FDFT1: variants seen among roughly 807,000 people sequenced by gnomAD.
FDFT1 encodes the protein farnesyl-diphosphate farnesyltransferase 1.
FDFT1 carries 68 observed loss-of-function variants against 46.8 expected under a neutral mutation model. The ratio of observed to expected loss-of-function variants is 1.45; its 90% CI spans 1.19 to 1.78. FDFT1 has a LOEUF of 1.78. Ranked by LOEUF, FDFT1 falls within the 40% of genes most tolerant of loss-of-function variation. The probability of loss-of-function intolerance (pLI) is 0.00; values close to 1 mark genes in which losing one functional copy is unlikely to be tolerated. For synonymous variants in FDFT1, 351 were observed against 185.1 expected (o/e 1.90, Z -7.28); for missense variants, 928 against 524.4 (o/e 1.77, Z -7.52).
At chr8:11,797,698 T>G (rs919637575), upstream of FDFT1, among the ~76,000 whole-genome samples, 89 of 98,308 alleles carry the variant, frequency 9.1e-4, no homozygotes, top group East Asian at 8.9e-4. Context: ...GGGGAACAGA[T>G]AAAGGAGAGG....
At chr8:11,836,575 C>G (rs1183252975) in intron 7 of FDFT1, among the ~76,000 whole-genome samples, 2 of 152,258 alleles carry the variant, frequency 1.3e-5, no homozygotes, top group African/African-American at 4.8e-5. Context: ...CCTTCTGTTT[C>G]ACTTCTCCAC....
At chr8:11,805,196 G>A (rs1324952627) in intron 1 of FDFT1, among the ~76,000 whole-genome samples, 1 of 152,156 alleles carries the variant, frequency 6.6e-6, no homozygotes, top group African/African-American at 2.4e-5. Context: ...GATTACAGGT[G>A]TGAGCCACTG....
At chr8:11,817,261 T>A (rs1333791709) in intron 3 of FDFT1, among the ~76,000 whole-genome samples, 2 of 152,206 alleles carry the variant, frequency 1.3e-5, no homozygotes, top group Non-Finnish European at 2.9e-5. Context: ...TGCTGCTGGA[T>A]TCAATTTGCC....
intron 3 of FDFT1, among the ~76,000 whole-genome samples, chr8:11,813,675 T>G (rs1808041560): frequency 6.6e-6 from 1 of 152,218 alleles, no homozygotes; most frequent in Non-Finnish European, 1.5e-5. Flanking sequence ...ACCCTCTATG[T>G]GGGATTTGGC....
intron 5 of FDFT1, among the ~76,000 whole-genome samples, chr8:11,827,523 A>G (rs1486130910): frequency 1.3e-5 from 2 of 151,484 alleles, no homozygotes; most frequent in Non-Finnish European, 1.5e-5. Flanking sequence ...CTCAAGAAAA[A>G]AAAAAAGTGA....
chr8:11,797,969 G>A (rs1370242673), upstream of FDFT1: 13 of 152,372 alleles, frequency 8.5e-5, no homozygotes, highest in Admixed American at 4.6e-4. Context: ...TGGCAAGGAC[G>A]TTTTTATTCT....
rs140148594 is a variant in FDFT1 at position 11,820,665 on chromosome 8, G to A, written c.382-1085G>A. Among the ~76,000 whole-genome samples the A allele has an allele frequency of 3.9e-5, 6 of 152,288 alleles. No homozygotes were observed. The East Asian group carries it at 1.2e-3, about 29-fold the overall frequency. On this transcript the variant is annotated intron_variant, in intron 3 of 7. Transcript: ENST00000220584. ...AGCAAGCAAGGTTCCATGGGCATGG[G>A]ACCCCCCGAGCCAGGCACTGGAGGC...
At chr8:11,809,393 A>C in intron 2 of FDFT1, 2 of 1,184,726 alleles carry the variant, frequency 1.7e-6, no homozygotes, top group Non-Finnish European at 2.1e-6. Flanking sequence ...TCTGGTCTCC[A>C]TAGTTCTACA....
Position 11,826,154 on chromosome 8 carries a change from C to G in FDFT1, c.641C>G (p.Thr214Arg). The G allele has an allele frequency of 3.1e-6, 5 of 1,603,508 alleles. No homozygotes were observed. Among genetic ancestry groups the G allele is most frequent in the Non-Finnish European group, 2.6e-6 (3 of 1,171,974 alleles). The change falls in exon 5 of 8, where the codon ACA becomes AGA. Residue 214 changes from threonine to arginine, a missense_variant. Coordinates refer to ENST00000220584, the MANE Select transcript of FDFT1 (RefSeq NM_004462.5). ...TCTATGGGCCTGTTTTTGCAGAAAA[C>G]AAACATCATCCGTGACTATCTGGAA... ...ANSMGLFLQK[T>R]NIIRDYLEDQ...
intron 3 of FDFT1, among the ~76,000 whole-genome samples, chr8:11,811,975 A>G (rs1807777672): frequency 6.6e-6 from 1 of 152,122 alleles, no homozygotes; most frequent in African/African-American, 2.4e-5. Context: ...TGTCTTTGAA[A>G]CCAGTTGTCT....
chr8:11,836,891 G>C (rs1295050591), intron 7 of FDFT1, among the ~76,000 whole-genome samples: 1 of 152,194 alleles, frequency 6.6e-6, no homozygotes, highest in African/African-American at 2.4e-5. Flanking sequence ...GCAAAAATTA[G>C]CCAGGGATGC....
At chr8:11,807,214 T>G (rs2130702803) in intron 1 of FDFT1, among the ~76,000 whole-genome samples, 2 of 152,336 alleles carry the variant, frequency 1.3e-5, no homozygotes, top group Middle Eastern at 6.8e-3. Context: ...CATAGTTCAC[T>G]GTAACGTGTA....
Position 11,828,463 on chromosome 8 carries a change from A to T in FDFT1, c.703-1781A>T, listed in dbSNP as rs118092668. On this transcript the variant is annotated intron_variant, in intron 5 of 7. Coordinates refer to ENST00000220584, the MANE Select transcript of FDFT1 (RefSeq NM_004462.5). ...AGGGAAGGGGATTGTCTGGGGATGT[A>T]TAGTGAGGCAGTGGCTGCCTTGGAA... 1.4e-4 allele frequency among the ~76,000 whole-genome samples: 22 copies of T among 152,336 alleles called. No homozygotes were observed. The East Asian group carries it at 2.7e-3, about 19-fold the overall frequency.
chr8:11,814,451 T>C (rs1294085306), intron 3 of FDFT1, among the ~76,000 whole-genome samples: 3 of 152,010 alleles, frequency 2.0e-5, no homozygotes, highest in Non-Finnish European at 4.4e-5. Flanking sequence ...CGAGGAAGTT[T>C]TTCTAACTTT....
chr8:11,798,846 C>T (rs1805822734), upstream of FDFT1, among the ~76,000 whole-genome samples: 1 of 152,172 alleles, frequency 6.6e-6, no homozygotes, highest in Non-Finnish European at 1.5e-5. Flanking sequence ...GCTTAGATTT[C>T]TAGTGTTGAC....
chr8:11,802,841 C>T lies in FDFT1; in HGVS notation c.9C>T (p.Phe3=), dbSNP rs373376185. The change falls in exon 1 of 8, where the codon TTC becomes TTT. Residue 3 remains phenylalanine, a synonymous_variant. Coordinates refer to ENST00000220584, the MANE Select transcript of FDFT1 (RefSeq NM_004462.5). ME[F]VKCLGHPEEF... ...CCGCCGCCTGCGCCAGGATGGAGTT[C>T]GTGAAATGCCTTGGCCACCCCGAAG... is the stretch of plus-strand genomic sequence containing the variant. 61 of 1,610,212 alleles carry T rather than the reference C, an allele frequency of 3.8e-5. No homozygotes were observed. In the South Asian group the frequency reaches 6.3e-4, roughly 17 times the overall value.
chr8:11,834,405 A>G (rs1378429586), intron 7 of FDFT1, among the ~76,000 whole-genome samples: 4 of 152,230 alleles, frequency 2.6e-5, no homozygotes, highest in Non-Finnish European at 5.9e-5. Flanking sequence ...CCTCTCTGCC[A>G]AAGTGAATTC....
At chr8:11,819,552 C>T (rs991708082) in intron 3 of FDFT1, among the ~76,000 whole-genome samples, 4 of 152,022 alleles carry the variant, frequency 2.6e-5, no homozygotes, top group Admixed American at 2.6e-4. Flanking sequence ...TCTTTTCATT[C>T]TTTTTTCTCT....
chr8:11,798,621 C>T (rs1418265222), upstream of FDFT1, among the ~76,000 whole-genome samples: 2 of 152,152 alleles, frequency 1.3e-5, no homozygotes, highest in Non-Finnish European at 2.9e-5. Flanking sequence ...TAACGCTATC[C>T]ACAGGAGAAG....
Sources: allele counts gnomAD v4.1 joint callset (sites outside exome capture counted in the v4.1 genomes callset), GRCh38; gene constraint gnomAD v4.1.1; transcripts MANE v1.5; gene names NCBI Gene and HGNC (gene_info 2026-07-23, HGNC 2026-07-21).